Variants in GRB14 observed in about 807,000 individuals in gnomAD.
The protein encoded by GRB14 is growth factor receptor-bound protein 14.
A neutral mutation model predicts 69.1 loss-of-function variants in GRB14; 38 were observed. That is an observed-to-expected ratio of 0.55 (90% CI 0.42 to 0.72). The LOEUF is 0.72. Among genes scored for constraint, GRB14 ranks in the 30% least tolerant of loss-of-function variants. The pLI, the probability that GRB14 is intolerant of heterozygous loss-of-function variation, is 0.00. For synonymous variants in GRB14, 247 were observed against 241.3 expected, an observed-to-expected ratio of 1.02 and a Z score of -0.22; for missense variants, 666 against 666.1, an observed-to-expected ratio of 1.00 and a Z score of 0.00.
intron 2 of GRB14, among the ~76,000 whole-genome samples, chr2:164,618,796 C>T (rs952215969): frequency 6.6e-6 from 1 of 152,158 alleles, no homozygotes; most frequent in African/African-American, 2.4e-5. Flanking sequence ...GAGCAATAGA[C>T]GCGGAAAAAT....
intron 6 of GRB14, among the ~76,000 whole-genome samples, chr2:164,517,234 G>A (rs925622005): frequency 6.6e-6 from 1 of 152,070 alleles, no homozygotes; most frequent in Non-Finnish European, 1.5e-5. Flanking sequence ...CAGATCTTGT[G>A]AGACTTATTC....
At chr2:164,563,094 T>A (rs570973874) in intron 2 of GRB14, among the ~76,000 whole-genome samples, 1 of 151,884 alleles carries the variant, frequency 6.6e-6, no homozygotes, top group South Asian at 2.1e-4. Context: ...TCCAAGCAAG[T>A]CCACCATCTA....
intron 3 of GRB14, among the ~76,000 whole-genome samples, chr2:164,528,415 T>C (rs1687837235): frequency 6.6e-6 from 1 of 152,160 alleles, no homozygotes; most frequent in African/African-American, 2.4e-5. Flanking sequence ...TTACTGTTTC[T>C]AGGATGTTTT....
intron 6 of GRB14, among the ~76,000 whole-genome samples, chr2:164,515,650 A>C (rs558743367): frequency 6.6e-6 from 1 of 152,294 alleles, no homozygotes; most frequent in East Asian, 1.9e-4. Context: ...ATGACAAAAC[A>C]AGTTACTTCT....
At chr2:164,535,536 C>A (rs188408158) in intron 3 of GRB14, among the ~76,000 whole-genome samples, 1 of 152,136 alleles carries the variant, frequency 6.6e-6, no homozygotes, top group Non-Finnish European at 1.5e-5. Flanking sequence ...ACCTCTAATT[C>A]GCTCAGAAAA....
chr2:164,608,487 C>A (rs1690091430), intron 2 of GRB14, among the ~76,000 whole-genome samples: 1 of 151,564 alleles, frequency 6.6e-6, no homozygotes, highest in Admixed American at 6.6e-5. Context: ...TAAAGTAATA[C>A]ATTGATGGTG....
intron 2 of GRB14, among the ~76,000 whole-genome samples, chr2:164,569,701 C>T (rs527732151): frequency 1.3e-5 from 2 of 152,274 alleles, no homozygotes; most frequent in African/African-American, 4.8e-5. Context: ...GACACTACAA[C>T]TCCAAGGATC....
intron 2 of GRB14, among the ~76,000 whole-genome samples, chr2:164,605,108 A>G (rs1398872693): frequency 6.6e-6 from 1 of 152,204 alleles, no homozygotes; most frequent in East Asian, 1.9e-4. Context: ...AAAATAGAGT[A>G]CCAGTGAGGA....
chr2:164,528,283 C>T (rs1687833642), intron 3 of GRB14, among the ~76,000 whole-genome samples: 1 of 151,432 alleles, frequency 6.6e-6, no homozygotes, highest in South Asian at 2.1e-4. Flanking sequence ...GGTTTGTACA[C>T]TTTTCTTAAT....
rs147619524 is a variant in GRB14, at chr2:164,613,231, T to C, written c.324+6456A>G. On this transcript the variant is annotated intron_variant, in intron 2 of 13. Transcript: ENST00000263915. ...CCAATTGGTGGATCATCATATATCA[T>C]ACAAATATGATTAGAATTAGTTTTT... Among the ~76,000 whole-genome samples the C allele has an allele frequency of 2.6e-5, 4 of 152,342 alleles. No individual in the cohort carries two copies. In the East Asian group the frequency reaches 7.7e-4, roughly 29 times the overall value.
intron 2 of GRB14, among the ~76,000 whole-genome samples, chr2:164,617,900 T>C (rs566845425): frequency 3.5e-5 from 5 of 141,282 alleles, no homozygotes; most frequent in African/African-American, 1.2e-4. Context: ...GACCATTATG[T>C]CATCATCAGA....
intron 2 of GRB14, among the ~76,000 whole-genome samples, chr2:164,569,586 C>A (rs375765221): frequency 6.6e-6 from 1 of 152,166 alleles, no homozygotes; most frequent in East Asian, 1.9e-4. Context: ...CACAAACTTT[C>A]CATTTCGTTA....
chr2:164,573,719 A>G (rs1689174554), intron 2 of GRB14: 1 of 1,603,704 alleles, frequency 6.2e-7, no homozygotes, highest in Non-Finnish European at 8.5e-7. Flanking sequence ...TGCTATTCTA[A>G]TTAAGTTTCT....
intron 2 of GRB14, among the ~76,000 whole-genome samples, chr2:164,599,727 G>A (rs1689869785): frequency 6.6e-6 from 1 of 152,186 alleles, no homozygotes; most frequent in South Asian, 2.1e-4. Flanking sequence ...ATATTATGAT[G>A]TGAATGACAT....
intron 6 of GRB14, among the ~76,000 whole-genome samples, chr2:164,518,224 A>G (rs1041189763): frequency 6.6e-6 from 1 of 152,212 alleles, no homozygotes; most frequent in Non-Finnish European, 1.5e-5. Flanking sequence ...AAACCTCAAA[A>G]TCATGCAAAT....
intron 2 of GRB14, among the ~76,000 whole-genome samples, chr2:164,602,934 T>C (rs777035417): frequency 1.8e-4 from 27 of 152,066 alleles, no homozygotes; most frequent in East Asian, 3.9e-4. Context: ...TGCAGGAAGA[T>C]TGAACATCTA....
chr2:164,581,548 C>T (rs187863750), intron 2 of GRB14, among the ~76,000 whole-genome samples: 3 of 152,266 alleles, frequency 2.0e-5, no homozygotes, highest in East Asian at 1.9e-4. Flanking sequence ...GAAAAGGAAA[C>T]GGATCTCCAC....
chr2:164,565,222 T>C (rs576929865), intron 2 of GRB14, among the ~76,000 whole-genome samples: 25 of 152,246 alleles, frequency 1.6e-4, no homozygotes, highest in African/African-American at 6.0e-4. Context: ...AAATGTTTTC[T>C]TTATGTAATG....
At chr2:164,590,430 C>T (rs1266080776) in intron 2 of GRB14, among the ~76,000 whole-genome samples, 4 of 152,150 alleles carry the variant, frequency 2.6e-5, no homozygotes, top group Admixed American at 1.3e-4. Flanking sequence ...AGTTATCTCC[C>T]AGTGAGTACC....
Sources: allele counts gnomAD v4.1 joint callset (sites outside exome capture counted in the v4.1 genomes callset), GRCh38; gene constraint gnomAD v4.1.1; transcripts MANE v1.5; gene names NCBI Gene and HGNC (gene_info 2026-07-23, HGNC 2026-07-21).